AGL: variants seen among roughly 807,000 people sequenced by gnomAD.
AGL encodes amylo-alpha-1,6-glucosidase and 4-alpha-glucanotransferase.
AGL carries 128 observed loss-of-function variants against 199.3 expected under a neutral mutation model. That is an observed-to-expected ratio of 0.64 (90% CI 0.56 to 0.74). The LOEUF (loss-of-function observed/expected upper bound fraction) is 0.74, where lower values mean the gene tolerates loss of function less well. Ranked by LOEUF, AGL falls within the 30% of genes least tolerant of loss-of-function variation. The pLI, the probability that AGL is intolerant of heterozygous loss-of-function variation, is 0.00. For synonymous variants in AGL, 584 were observed against 594.7 expected, an observed-to-expected ratio of 0.98 and a Z score of 0.26; for missense variants, 1,809 against 1,820.8, an observed-to-expected ratio of 0.99 and a Z score of 0.12.
At chr1:99,855,159 C>G (rs1313340666) in intron 2 of AGL, among the ~76,000 whole-genome samples, 1 of 151,928 alleles carries the variant, frequency 6.6e-6, no homozygotes, top group Non-Finnish European at 1.5e-5. Flanking sequence ...CAAGATCGTG[C>G]CAATGCACTC....
chr1:99,882,127 A>AC (rs1652084530), intron 17 of AGL, among the ~76,000 whole-genome samples: 1 of 148,784 alleles, frequency 6.7e-6, no homozygotes, highest in African/African-American at 2.5e-5. Flanking sequence ...ATAGAGTGAG[A>AC]CCCTATCTCA....
At position 99,912,390 on chromosome 1, in the gene AGL, G is replaced by A. The variant is rs376026767; in HGVS notation, c.3837-15G>A. 66 of 1,606,168 alleles carry A rather than the reference G, an allele frequency of 4.1e-5. No individual in the cohort carries two copies. Among genetic ancestry groups the A allele is most frequent in the South Asian group, 1.3e-4 (12 of 90,838 alleles). On this transcript the variant is annotated splice_polypyrimidine_tract_variant and intron_variant, in intron 28 of 33. Transcript: ENST00000361915. ...ACGCCAACTTAAAGAATAAAAATAC[G>A]TTTTTTAATTTTAGAGATGGGTCTG...
rs1245550721 is a variant in AGL at position 99,921,811 on chromosome 1, A to C, written c.*160A>C. On this transcript the variant is annotated 3_prime_UTR_variant, in exon 34 of 34. Transcript: ENST00000361915. ...GATTGTAAAAGCATTGATTTTTTTT[A>C]ATGTACAGAGGTAGATTTCAATTTG... is the stretch of plus-strand genomic sequence containing the variant. 1.9e-6 allele frequency: 1 copy of C among 518,376 alleles called. No homozygotes were observed. The highest frequency in any genetic ancestry group is 3.4e-6 in the Non-Finnish European group (1 of 294,872). The allele number at this position is 518,376 out of a possible 1,614,324, so 32.1% of individuals were successfully genotyped here.
intron 3 of AGL, 136 bp from the exon 4 acceptor site, chr1:99,862,121 A>T: frequency 1.0e-6 from 1 of 971,078 alleles, no homozygotes; most frequent in South Asian, 1.5e-5. Context: ...TGCAACTTTT[A>T]AAATGATTTT....
At chr1:99,858,892 A>G (rs963139830) in intron 2 of AGL, among the ~76,000 whole-genome samples, 1 of 151,922 alleles carries the variant, frequency 6.6e-6, no homozygotes, top group African/African-American at 2.4e-5. Context: ...TTTATAATTT[A>G]CATAATCTAT....
rs773102683 is a variant in AGL, at chr1:99,891,793, A to G, written c.3083+54A>G. ...GCATATCTGTGTTGAAACTATATAC[A>G]GAGTCACTTCATACATGTTCTTAAA... On this transcript the variant is annotated intron_variant, in intron 23 of 33. Coordinates refer to ENST00000361915, the MANE Select transcript of AGL (RefSeq NM_000642.3). The G allele has an allele frequency of 6.7e-5, 107 of 1,602,238 alleles. No individual in the cohort carries two copies. The African/African-American group carries it at 1.1e-3, about 16-fold the overall frequency.
rs1653309500 is a variant in AGL, at chr1:99,896,270, G to GTGTTT, written c.3260-14_3260-10dup. 1 of 1,580,982 alleles carries GTGTTT rather than the reference G, an allele frequency of 6.3e-7. No homozygotes were observed. Among genetic ancestry groups the GTGTTT allele is most frequent in the African/African-American group, 1.3e-5 (1 of 74,164 alleles). ...ATTATGATTAACATATTACTTTGTT[G>GTGTTT]TGTTTTTTTTGTTAGGCTTACCTCA... On this transcript the variant is annotated splice_polypyrimidine_tract_variant and intron_variant, in intron 24 of 33. Transcript: ENST00000361915.
chr1:99,859,155 C>G (rs577499075), intron 2 of AGL, among the ~76,000 whole-genome samples: 2 of 152,280 alleles, frequency 1.3e-5, no homozygotes, highest in South Asian at 4.1e-4. Flanking sequence ...CAAAATGACA[C>G]TATTTCTCCT....
intron 2 of AGL, among the ~76,000 whole-genome samples, chr1:99,857,212 C>A (rs1462530415): frequency 3.3e-5 from 5 of 150,440 alleles, no homozygotes; most frequent in Non-Finnish European, 7.4e-5. Flanking sequence ...ACATCCCAGA[C>A]GGGGCGGCGG....
chr1:99,898,322 A>T (rs1653508205), intron 25 of AGL, among the ~76,000 whole-genome samples: 1 of 152,184 alleles, frequency 6.6e-6, no homozygotes, highest in Admixed American at 6.5e-5. Flanking sequence ...CTGGGATTAC[A>T]GGCGTGAGCC....
chr1:99,887,934 A>G (rs1212747738), intron 20 of AGL, 44 bp from the exon 21 acceptor site: 1 of 1,608,490 alleles, frequency 6.2e-7, no homozygotes, highest in Admixed American at 1.7e-5. Flanking sequence ...ATTGACAACA[A>G]GCGAAACTTC....
chr1:99,896,458 T>C, intron 25 of AGL, 70 bp downstream of exon 25: 2 of 1,144,818 alleles, frequency 1.7e-6, no homozygotes, highest in Non-Finnish European at 2.7e-6. Flanking sequence ...CTTCAAACTT[T>C]CCTTCTTGTC....
chr1:99,852,303 C>A (rs894866594), intron 2 of AGL, among the ~76,000 whole-genome samples: 2 of 150,244 alleles, frequency 1.3e-5, no homozygotes, highest in Non-Finnish European at 3.0e-5. Flanking sequence ...GGCTCTGCTG[C>A]TAACAAGCTG....
chr1:99,919,878 C>G (rs978211989), intron 33 of AGL, among the ~76,000 whole-genome samples: 5 of 152,190 alleles, frequency 3.3e-5, no homozygotes, highest in Non-Finnish European at 7.3e-5. Context: ...CTGGACCACT[C>G]TCACCCTTGG....
At chr1:99,895,562 G>C (rs1653236187) in intron 24 of AGL, among the ~76,000 whole-genome samples, 1 of 152,042 alleles carries the variant, frequency 6.6e-6, no homozygotes, top group South Asian at 2.1e-4. Flanking sequence ...ATAATTTCAT[G>C]TTTAGGTTTA....
chr1:99,860,897 C>A (rs553534220), intron 2 of AGL, among the ~76,000 whole-genome samples: 13 of 152,296 alleles, frequency 8.5e-5, no homozygotes, highest in African/African-American at 2.9e-4. Context: ...GTTGCTAAAT[C>A]TTTATTAGCA....
chr1:99,908,191 T>C (rs1654463417), intron 27 of AGL, among the ~76,000 whole-genome samples: 1 of 144,178 alleles, frequency 6.9e-6, no homozygotes, highest in East Asian at 2.1e-4. Context: ...TTTTTGCATA[T>C]GATATTAAGT....
rs926246975 is a variant in AGL, at chr1:99,922,606, T to G, written c.*955T>G. 2.6e-5 allele frequency: 4 copies of G among 151,660 alleles called. No individual in the cohort carries two copies. Among genetic ancestry groups the G allele is most frequent in the Non-Finnish European group, 5.9e-5 (4 of 67,780 alleles). The allele number at this position is 151,660 out of a possible 1,614,324, so 9.4% of individuals were successfully genotyped here. A position where few individuals can be genotyped will look rare whatever the true frequency, so the allele number is the denominator to read the frequency against. On this transcript the variant is annotated 3_prime_UTR_variant, in exon 34 of 34. Transcript: ENST00000361915. ...TAAATTCAATAAAATCACTGGAAGT[T>G]TTTCATGATAACTTATTTTAAGATG... is the stretch of plus-strand genomic sequence containing the variant.
At chr1:99,910,443 G>C (rs1455871207) in intron 27 of AGL, among the ~76,000 whole-genome samples, 3 of 152,090 alleles carry the variant, frequency 2.0e-5, no homozygotes, top group Non-Finnish European at 4.4e-5. Context: ...ATGTGGCAGT[G>C]AATATCCTTG....
Sources: allele counts gnomAD v4.1 joint callset (sites outside exome capture counted in the v4.1 genomes callset), GRCh38; gene constraint gnomAD v4.1.1; transcripts MANE v1.5; gene names NCBI Gene and HGNC (gene_info 2026-07-23, HGNC 2026-07-21).